Variants in NELL1 observed in about 807,000 individuals in gnomAD.
The protein encoded by NELL1 is protein kinase C-binding protein NELL1.
Under a neutral mutation model 107.4 loss-of-function variants are expected in NELL1, and 76 were observed. The ratio of observed to expected loss-of-function variants is 0.71; its 90% confidence interval spans 0.59 to 0.86. The LOEUF is 0.86. NELL1 is among the 40% of genes least tolerant of loss of function. NELL1 has a pLI of 0.00. For synonymous variants in NELL1, 353 were observed against 341.2 expected (o/e 1.03, Z -0.38); for missense variants, 1,024 against 1,005.5 (o/e 1.02, Z -0.25).
chr11:21,287,104 T>C (rs191864185), intron 14 of NELL1, among the ~76,000 whole-genome samples: 15 of 152,356 alleles, frequency 9.8e-5, no homozygotes, highest in Non-Finnish European at 2.9e-5. Context: ...ACTGAGTGAA[T>C]TTTATTAATT....
At chr11:21,413,846 T>C (rs1221247234) in intron 15 of NELL1, among the ~76,000 whole-genome samples, 1 of 152,078 alleles carries the variant, frequency 6.6e-6, no homozygotes, top group Admixed American at 6.6e-5. Context: ...AGAGGTAAAA[T>C]GCAGGCCATA....
intron 1 of NELL1, among the ~76,000 whole-genome samples, chr11:20,672,445 C>G (rs1349642221): frequency 6.6e-6 from 1 of 152,220 alleles, no homozygotes; most frequent in Non-Finnish European, 1.5e-5. Flanking sequence ...GACTGCAGTG[C>G]AGACACAGTT....
chr11:21,326,597 G>A (rs1017374729), intron 14 of NELL1, among the ~76,000 whole-genome samples: 3 of 151,178 alleles, frequency 2.0e-5, no homozygotes, highest in Non-Finnish European at 4.4e-5. Context: ...TTTTTGTTTG[G>A]ATCCAAATTT....
chr11:21,021,157 A>G (rs1365087288), intron 12 of NELL1, among the ~76,000 whole-genome samples: 1 of 151,834 alleles, frequency 6.6e-6, no homozygotes. Flanking sequence ...TTTATGAACT[A>G]TATTTGCCTT....
intron 15 of NELL1, among the ~76,000 whole-genome samples, chr11:21,385,183 C>T (rs1256666565): frequency 1.3e-5 from 2 of 151,828 alleles, no homozygotes; most frequent in Non-Finnish European, 2.9e-5. Flanking sequence ...TAGTACTTTT[C>T]GTATGGCTTC....
chr11:20,861,352 G>A (rs534498423), intron 4 of NELL1, among the ~76,000 whole-genome samples: 67 of 152,240 alleles, frequency 4.4e-4, no homozygotes, highest in Middle Eastern at 3.4e-3. Context: ...GATCTGCAGC[G>A]GGAACATATT....
At chr11:21,112,575 C>T (rs1855132195) in intron 12 of NELL1, among the ~76,000 whole-genome samples, 1 of 152,002 alleles carries the variant, frequency 6.6e-6, no homozygotes, top group South Asian at 2.1e-4. Flanking sequence ...CTCTAAGCCC[C>T]AGTTTTCTAG....
At chr11:21,518,691 G>T (rs79537534) in intron 15 of NELL1, among the ~76,000 whole-genome samples, 2 of 152,060 alleles carry the variant, frequency 1.3e-5, no homozygotes, top group African/African-American at 4.8e-5. Flanking sequence ...GTAGTTTGGT[G>T]GGAGTGACAG....
At chr11:20,734,968 C>A (rs976423576) in intron 2 of NELL1, among the ~76,000 whole-genome samples, 5 of 152,058 alleles carry the variant, frequency 3.3e-5, no homozygotes, top group African/African-American at 1.2e-4. Flanking sequence ...TTTAATAATT[C>A]CTCCAACCAA....
At chr11:20,878,356 C>T (rs556230235) in intron 4 of NELL1, among the ~76,000 whole-genome samples, 1,486 of 15,004 alleles carry the variant, frequency 0.099, 23 homozygotes, top group African/African-American at 0.16. Context: ...GAGACCCCGT[C>T]TCAAAAAAAA....
At chr11:21,374,894 T>TGTGTGTGTGC (rs1851436990) in intron 15 of NELL1, among the ~76,000 whole-genome samples, 1 of 67,772 alleles carries the variant, frequency 1.5e-5, no homozygotes, top group Non-Finnish European at 3.6e-5. Flanking sequence ...TGTCTGTGTG[T>TGTGTGTGTGC]GTGTGTGTGT....
At chr11:20,758,032 G>A (rs945518867) in intron 2 of NELL1, among the ~76,000 whole-genome samples, 1 of 152,072 alleles carries the variant, frequency 6.6e-6, no homozygotes, top group African/African-American at 2.4e-5. Flanking sequence ...AGAGAGAGAG[G>A]GGCCAAGCTC....
chr11:20,889,063 T>G (rs1424395194), intron 5 of NELL1, among the ~76,000 whole-genome samples: 1 of 152,296 alleles, frequency 6.6e-6, no homozygotes, highest in East Asian at 1.9e-4. Context: ...ATAGACTTCA[T>G]CTCTTGAAGG....
intron 3 of NELL1, among the ~76,000 whole-genome samples, chr11:20,813,706 G>A (rs772485850): frequency 6.6e-6 from 1 of 152,050 alleles, no homozygotes; most frequent in Admixed American, 6.6e-5. Context: ...AATTCATTTT[G>A]TGCCTTTTTA....
At chr11:21,399,780 A>C (rs998569885) in intron 15 of NELL1, among the ~76,000 whole-genome samples, 5 of 151,810 alleles carry the variant, frequency 3.3e-5, no homozygotes, top group Non-Finnish European at 5.9e-5. Context: ...TGTGCAATAC[A>C]TCTCTCATTT....
At chr11:21,257,011 C>T (rs991908551) in intron 14 of NELL1, among the ~76,000 whole-genome samples, 6 of 151,954 alleles carry the variant, frequency 3.9e-5, no homozygotes, top group Admixed American at 2.6e-4. Context: ...GTCACTGCTA[C>T]GTAGCTGCTC....
rs550090693 is a variant in NELL1, at chr11:20,953,742, T to C, written c.1171+6307T>C. Among the ~76,000 whole-genome samples, 5 of 152,280 alleles carry C rather than the reference T, an allele frequency of 3.3e-5. No individual in the cohort carries two copies. The East Asian group carries it at 7.7e-4, about 24-fold the overall frequency. ...CTGCTGTAAGCATTTGGAACTCTTA[T>C]TCTTTGTCCAGCCAACCTCATTCAT... On this transcript the variant is annotated intron_variant, in intron 11 of 19. Coordinates refer to ENST00000357134, the MANE Select transcript of NELL1 (RefSeq NM_006157.5).
rs148301545 is a variant in NELL1, at chr11:21,318,905, A to T, written c.1550-51948A>T. Reference sequence around the variant, plus strand: ...TCTTCCGAGCTGTGTGACTAACCATAGTAAATGGCTAGGCTTTTTGTCCCT... The same window carrying T: ...TCTTCCGAGCTGTGTGACTAACCATTGTAAATGGCTAGGCTTTTTGTCCCT... On this transcript the variant is annotated intron_variant, in intron 14 of 19. Coordinates refer to ENST00000357134, the MANE Select transcript of NELL1 (RefSeq NM_006157.5). 1.9e-3 allele frequency among the ~76,000 whole-genome samples: 285 copies of T among 152,158 alleles called. 5 individuals carry two copies. Among genetic ancestry groups the T allele is most frequent in the African/African-American group, 6.4e-3 (267 of 41,444 alleles).
chr11:20,836,366 C>T (rs757656826), intron 3 of NELL1, among the ~76,000 whole-genome samples: 1 of 151,466 alleles, frequency 6.6e-6, no homozygotes, highest in African/African-American at 2.4e-5. Flanking sequence ...TAATGTAGTG[C>T]GGCCCCTTTG....
Sources: gnomAD v4.1 joint callset for allele counts (sites outside exome capture counted in the v4.1 genomes callset) on GRCh38, gnomAD v4.1.1 for gene constraint, MANE v1.5 for transcripts, NCBI Gene and HGNC (gene_info 2026-07-23, HGNC 2026-07-21) for gene names.